The following NBEA variants were observed in gnomAD, a reference collection of about 807,000 sequenced individuals.
The protein encoded by NBEA is neurobeachin.
NBEA carries 44 observed loss-of-function variants against 343.4 expected under a neutral mutation model. The observed-to-expected ratio is 0.13, with a 90% confidence interval of 0.10 to 0.16. The LOEUF is 0.16. Among genes scored for constraint, NBEA ranks in the 10% least tolerant of loss-of-function variants. The probability of loss-of-function intolerance (pLI) is 1.00; values close to 1 mark genes in which losing one functional copy is unlikely to be tolerated. For missense variants in NBEA, 2,555 were observed against 3,631.3 expected (o/e 0.70, Z 7.62); for synonymous variants, 1,175 against 1,238.7 (o/e 0.95, Z 1.08).
At chr13:35,400,196 T>TAAAA (rs71081251) in intron 38 of NBEA, among the ~76,000 whole-genome samples, 886 of 78,194 alleles carry the variant, frequency 0.011, 31 homozygotes, top group African/African-American at 0.038. Flanking sequence ...CTTCAATTTG[T>TAAAA]AAAAAAAAAA....
chr13:35,577,784 C>T (rs959175880), intron 45 of NBEA, among the ~76,000 whole-genome samples: 1 of 152,196 alleles, frequency 6.6e-6, no homozygotes, highest in African/African-American at 2.4e-5. Flanking sequence ...GGCTACACTA[C>T]TGGGTTAAAA....
rs528993293 is a variant in NBEA, at chr13:34,942,809, G to A, written c.-12G>A. On this transcript the variant is annotated 5_prime_UTR_variant, in exon 1 of 59. Transcript: ENST00000379939. The stretch of plus-strand genomic sequence containing the variant: ...CGCCGCTGCTCTTCCCTTCTCCTCA[G>A]GAGGGGGGCCAATGGCTAGCGAGAA... 199 of 1,362,512 alleles carry A rather than the reference G, an allele frequency of 1.5e-4. No homozygotes were observed. The highest frequency in any genetic ancestry group is 2.7e-4 in the Middle Eastern group (1 of 3,672). The allele number at this position is 1,362,512 out of a possible 1,614,324, so 84.4% of individuals were successfully genotyped here.
chr13:35,408,961 G>T (rs1212316403), intron 38 of NBEA, among the ~76,000 whole-genome samples: 1 of 152,110 alleles, frequency 6.6e-6, no homozygotes, highest in Non-Finnish European at 1.5e-5. Flanking sequence ...CCTGAAGACA[G>T]AAATACCATT....
intron 10 of NBEA, among the ~76,000 whole-genome samples, chr13:35,083,317 G>A (rs1406750563): frequency 6.6e-6 from 1 of 150,948 alleles, no homozygotes; most frequent in Non-Finnish European, 1.5e-5. Flanking sequence ...TTTGCTTACT[G>A]TAGCCTTGTA....
At chr13:35,047,864 A>G (rs2062920274) in intron 4 of NBEA, among the ~76,000 whole-genome samples, 1 of 151,304 alleles carries the variant, frequency 6.6e-6, no homozygotes, top group Non-Finnish European at 1.5e-5. Flanking sequence ...ATAAATAAAT[A>G]CATTCACACA....
At chr13:35,484,748 A>G (rs1293959611) in intron 41 of NBEA, among the ~76,000 whole-genome samples, 1 of 152,136 alleles carries the variant, frequency 6.6e-6, no homozygotes. Context: ...AGCTTTCCTG[A>G]TAAATGACTG....
rs1464177496 is a variant in NBEA, at chr13:35,109,341, G to A, written c.1732G>A (p.Ala578Thr). 1 of 1,612,056 alleles carries A rather than the reference G, an allele frequency of 6.2e-7. No individual in the cohort carries two copies. Among genetic ancestry groups the A allele is most frequent in the Admixed American group, 1.7e-5 (1 of 59,732 alleles). ...RAVLEQFLSF[A>T]KYLDGLSHGA... is the part of the protein sequence containing the mutation. The stretch of plus-strand genomic sequence containing the variant: ...TGTCCTGGAGCAATTTTTATCTTTT[G>A]CAAAATACCTTGATGGTTTATCTCA... The change falls in exon 12 of 59, where the codon GCA becomes ACA. Residue 578 changes from alanine to threonine, a missense_variant. Physicochemically the swap from Ala to Thr is moderately conservative, Grantham distance 58 (BLOSUM62 0). Transcript: ENST00000379939.
intron 10 of NBEA, among the ~76,000 whole-genome samples, chr13:35,072,542 T>TTTTGTTTG (rs141162226): frequency 6.6e-6 from 1 of 151,944 alleles, no homozygotes; most frequent in African/African-American, 2.4e-5. Context: ...CTATTATGTC[T>TTTTGTTTG]TTTGTTTGTT....
chr13:35,252,643 C>G (rs972712777), intron 34 of NBEA, among the ~76,000 whole-genome samples: 2 of 152,042 alleles, frequency 1.3e-5, no homozygotes, highest in African/African-American at 2.4e-5. Context: ...GTAGCTGAAC[C>G]GAGAAGGCAG....
chr13:35,369,510 A>G (rs190218702), intron 38 of NBEA, among the ~76,000 whole-genome samples: 5 of 151,994 alleles, frequency 3.3e-5, no homozygotes, highest in East Asian at 3.9e-4. Context: ...AATTTTTTCA[A>G]TCAGTGAGCA....
At chr13:35,405,078 T>C (rs117386996) in intron 38 of NBEA, among the ~76,000 whole-genome samples, 5,322 of 152,270 alleles carry the variant, frequency 0.035, 139 homozygotes, top group Non-Finnish European at 0.053. Flanking sequence ...ATTTCTGTCA[T>C]TTCAGTAAGT....
At chr13:35,089,728 C>G (rs1193803585) in intron 10 of NBEA, among the ~76,000 whole-genome samples, 1 of 144,058 alleles carries the variant, frequency 6.9e-6, no homozygotes, top group Non-Finnish European at 1.5e-5. Context: ...TACTATGCAG[C>G]CATAAAAAAT....
intron 34 of NBEA, among the ~76,000 whole-genome samples, chr13:35,283,412 A>G (rs768767692): frequency 4.6e-5 from 7 of 152,120 alleles, no homozygotes; most frequent in Non-Finnish European, 8.8e-5. Context: ...AACCATTCTC[A>G]TGTGGAAATT....
chr13:35,475,632 C>T, intron 41 of NBEA: 1 of 1,613,882 alleles, frequency 6.2e-7, no homozygotes, highest in Non-Finnish European at 8.5e-7. Flanking sequence ...CCGGCGTGAT[C>T]TGCACCACGT....
At chr13:35,509,364 G>C (rs1427421149) in intron 41 of NBEA, among the ~76,000 whole-genome samples, 3 of 152,158 alleles carry the variant, frequency 2.0e-5, no homozygotes, top group Non-Finnish European at 4.4e-5. Context: ...TGAGGCAGGT[G>C]TGTAGAGTCA....
At chr13:35,497,546 G>C (rs1221639532) in intron 41 of NBEA, among the ~76,000 whole-genome samples, 1 of 151,992 alleles carries the variant, frequency 6.6e-6, no homozygotes, top group East Asian at 1.9e-4. Flanking sequence ...CAGATTATTT[G>C]GTTTACCTAC....
chr13:34,981,957 C>G (rs747378947), intron 1 of NBEA, among the ~76,000 whole-genome samples: 91 of 150,708 alleles, frequency 6.0e-4, no homozygotes, highest in Non-Finnish European at 1.2e-3. Context: ...TCTCTCTTCT[C>G]TCTCTCTCTC....
chr13:35,341,624 C>T (rs2039589222), intron 36 of NBEA, among the ~76,000 whole-genome samples: 2 of 151,946 alleles, frequency 1.3e-5, no homozygotes, highest in African/African-American at 4.8e-5. Context: ...TACAGGTGGC[C>T]AATGGACACA....
rs2075847436 is a variant in NBEA at position 35,476,044 on chromosome 13, C to T, written c.6585+3508C>T. On this transcript the variant is annotated intron_variant, in intron 41 of 58. Transcript: ENST00000379939. Reference sequence around the variant, plus strand: ...GTCGGAAACTACTTTGCAGACTTCCCGGATAGTTTTGGCAATGGCAGCTTT... The same window carrying T: ...GTCGGAAACTACTTTGCAGACTTCCTGGATAGTTTTGGCAATGGCAGCTTT... 3 of 1,614,150 alleles carry T rather than the reference C, an allele frequency of 1.9e-6. No homozygotes were observed. Among genetic ancestry groups the T allele is most frequent in the Non-Finnish European group, 2.5e-6 (3 of 1,180,040 alleles).
Sources: gnomAD v4.1 joint callset for allele counts (sites outside exome capture counted in the v4.1 genomes callset) on GRCh38, gnomAD v4.1.1 for gene constraint, MANE v1.5 for transcripts, NCBI Gene and HGNC (gene_info 2026-07-23, HGNC 2026-07-21) for gene names.